CCDC39: variants seen among roughly 807,000 people sequenced by gnomAD.
The protein encoded by CCDC39 is coiled-coil domain 39 molecular ruler complex subunit.
Under a neutral mutation model 121.0 loss-of-function variants are expected in CCDC39, and 113 were observed. The observed-to-expected ratio is 0.93, with a 90% CI of 0.80 to 1.09. CCDC39 has a LOEUF of 1.09. CCDC39 is among the 50% of genes least tolerant of loss of function. CCDC39 has a pLI of 0.00. For synonymous variants in CCDC39, 349 were observed against 352.2 expected, an observed-to-expected ratio of 0.99 and a Z score of 0.10; for missense variants, 1,063 against 1,074.7, an observed-to-expected ratio of 0.99 and a Z score of 0.15.
chr3:180,652,280 AACAG>A lies in CCDC39; in HGVS notation c.931-18_931-15del, dbSNP rs1711503084. ...TAAAGAATCCAGCTATTTATTAGTTAACAGACAGAAATTATATATTTACTCTGTA... is the reference window on the plus strand; with the variant it reads ...TAAAGAATCCAGCTATTTATTAGTTAACAGAAATTATATATTTACTCTGTA... On this transcript the variant is annotated splice_polypyrimidine_tract_variant and intron_variant, in intron 7 of 19. Transcript: ENST00000476379. The A allele has an allele frequency of 7.3e-7, 1 of 1,365,630 alleles. No individual in the cohort carries two copies. The highest frequency in any genetic ancestry group is 1.0e-6 in the Non-Finnish European group (1 of 1,002,790). 84.6% of individuals were successfully genotyped at this position (1,365,630 alleles called of 1,614,324 possible).
At chr3:180,654,982 AAT>A (rs1711549089) in intron 6 of CCDC39, 29 bp from the exon 7 acceptor site, 4 of 1,370,292 alleles carry the variant, frequency 2.9e-6, no homozygotes, top group Admixed American at 6.1e-5. Context: ...TGTTTACTTA[AAT>A]ATATGTTTAA....
Position 180,616,361 on chromosome 3 carries a change from A to T in CCDC39, c.2589T>A (p.Ser863Arg). 6.2e-7 allele frequency: 1 copy of T among 1,609,256 alleles called. No homozygotes were observed. Among genetic ancestry groups the T allele is most frequent in the South Asian group, 1.1e-5 (1 of 90,742 alleles). ...RIILQTYFQQ[S>R]GLELPTASTK... ...TGCTAGCTGTAGGTAGTTCTAACCC[A>T]CTCTGGAGGAATATTCAATAGCAAT... Residue 863 changes from serine (S) to arginine (R), a missense_variant and splice_region_variant, in exon 19 of 20, where the codon AGT (serine) becomes AGA (arginine). Coordinates refer to ENST00000476379, the MANE Select transcript of CCDC39 (RefSeq NM_181426.2).
Position 180,616,715 on chromosome 3 carries a change from AATT to A in CCDC39, c.2407-23_2407-21del, listed in dbSNP as rs1307215626. ...TGCACACTGTTGGTAAATAATAGTC[AATT>A]ATTCTATAAACGTGTTTACCAGAAT... On this transcript the variant is annotated intron_variant, in intron 17 of 19. Transcript: ENST00000476379. 6.3e-6 allele frequency: 10 copies of A among 1,576,854 alleles called. No homozygotes were observed. Among genetic ancestry groups the A allele is most frequent in the Non-Finnish European group, 8.6e-6 (10 of 1,158,614 alleles).
At chr3:180,667,046 T>A (rs1711896264) in intron 1 of CCDC39, among the ~76,000 whole-genome samples, 1 of 152,154 alleles carries the variant, frequency 6.6e-6, no homozygotes, top group African/African-American at 2.4e-5. Flanking sequence ...AGAGTTTTTT[T>A]TTAAAAAAGG....
chr3:180,648,064 A>G, intron 10 of CCDC39, 101 bp downstream of exon 10: 1 of 954,368 alleles, frequency 1.0e-6, no homozygotes, highest in East Asian at 2.6e-5. Flanking sequence ...TGTCCTCCAC[A>G]AAAGGGCTTA....
At chr3:180,649,691 G>A (rs1718152377) in intron 9 of CCDC39, among the ~76,000 whole-genome samples, 1 of 151,372 alleles carries the variant, frequency 6.6e-6, no homozygotes, top group African/African-American at 2.4e-5. Flanking sequence ...AAACCCCCAA[G>A]ACTATGAACA....
At chr3:180,665,023 C>T (rs1346706127) in intron 1 of CCDC39, among the ~76,000 whole-genome samples, 1 of 151,948 alleles carries the variant, frequency 6.6e-6, no homozygotes, top group African/African-American at 2.4e-5. Flanking sequence ...CACAAGATAT[C>T]TTAAGCGAAC....
chr3:180,672,337 T>C (rs1712072458), intron 1 of CCDC39, among the ~76,000 whole-genome samples: 1 of 152,204 alleles, frequency 6.6e-6, no homozygotes, highest in Admixed American at 6.5e-5. Context: ...CTCACACCTG[T>C]AATCCCAGCA....
intron 14 of CCDC39, among the ~76,000 whole-genome samples, chr3:180,625,051 T>A (rs1023679595): frequency 2.0e-5 from 3 of 152,152 alleles, no homozygotes; most frequent in African/African-American, 2.4e-5. Flanking sequence ...GGGCCTCTTG[T>A]GTCTCGGCGT....
chr3:180,627,312 A>C lies in CCDC39; in HGVS notation c.1998+4157T>G, dbSNP rs551559775. ...ATAGAAATTATATCTAATTCCTTTG[A>C]GTCTCAAATTGGTAACCCCATTTCA... On this transcript the variant is annotated intron_variant, in intron 14 of 19. Coordinates refer to ENST00000476379, the MANE Select transcript of CCDC39 (RefSeq NM_181426.2). Among the ~76,000 whole-genome samples the C allele has an allele frequency of 2.6e-5, 4 of 152,350 alleles. No individual in the cohort carries two copies. The South Asian group carries it at 8.3e-4, about 32-fold the overall frequency.
intron 1 of CCDC39, among the ~76,000 whole-genome samples, chr3:180,672,421 C>T (rs1372610075): frequency 2.6e-5 from 4 of 152,172 alleles, no homozygotes; most frequent in African/African-American, 9.6e-5. Context: ...TGGTGAAACT[C>T]CATCTCTACT....
At chr3:180,671,515 C>G (rs114081490) in intron 1 of CCDC39, among the ~76,000 whole-genome samples, 2,786 of 152,250 alleles carry the variant, frequency 0.018, 50 homozygotes, top group African/African-American at 0.046. Context: ...GCCAAGAACC[C>G]TCCAGGGCTA....
intron 1 of CCDC39, among the ~76,000 whole-genome samples, chr3:180,669,024 T>G (rs73885315): frequency 0.022 from 3,353 of 152,342 alleles, 126 homozygotes; most frequent in African/African-American, 0.076. Context: ...AAATTTGTAA[T>G]GCACATGAAA....
At chr3:180,672,309 T>C (rs146499623) in intron 1 of CCDC39, among the ~76,000 whole-genome samples, 2 of 152,262 alleles carry the variant, frequency 1.3e-5, no homozygotes, top group African/African-American at 4.8e-5. Context: ...TTACTGCTCA[T>C]TGGGCCAGGT....
chr3:180,674,061 C>A (rs577447182), intron 1 of CCDC39, among the ~76,000 whole-genome samples: 1 of 152,122 alleles, frequency 6.6e-6, no homozygotes, highest in Admixed American at 6.5e-5. Context: ...CTGTAAATTA[C>A]CTTGTGCAGT....
chr3:180,642,233 A>G, intron 12 of CCDC39, 32 bp from the exon 13 acceptor site: 1 of 1,391,948 alleles, frequency 7.2e-7, no homozygotes, highest in Non-Finnish European at 9.6e-7. Flanking sequence ...CAAATATTGA[A>G]ATTATTTTTA....
At chr3:180,623,428 T>G (rs1310793085) in intron 14 of CCDC39, among the ~76,000 whole-genome samples, 1 of 152,056 alleles carries the variant, frequency 6.6e-6, no homozygotes, top group Non-Finnish European at 1.5e-5. Flanking sequence ...ATTTGTAAAT[T>G]TTTTTGTCTC....
intron 14 of CCDC39, among the ~76,000 whole-genome samples, chr3:180,626,004 C>T (rs1159320677): frequency 6.6e-6 from 1 of 151,968 alleles, no homozygotes; most frequent in Non-Finnish European, 1.5e-5. Flanking sequence ...GTGGGCCCGA[C>T]ATGCAGGCGG....
intron 1 of CCDC39, among the ~76,000 whole-genome samples, chr3:180,670,387 T>C (rs1712006464): frequency 6.6e-6 from 1 of 152,018 alleles, no homozygotes; most frequent in Non-Finnish European, 1.5e-5. Flanking sequence ...CAATTTTCTA[T>C]GACTATTTCC....
Sources: gnomAD v4.1 joint callset for allele counts (sites outside exome capture counted in the v4.1 genomes callset) on GRCh38, gnomAD v4.1.1 for gene constraint, MANE v1.5 for transcripts, NCBI Gene and HGNC (gene_info 2026-07-23, HGNC 2026-07-21) for gene names.